ADH6: variants seen among roughly 807,000 people sequenced by gnomAD.
ADH6 encodes the protein alcohol dehydrogenase 6.
In ADH6, 34 loss-of-function variants were observed where a neutral mutation model predicts 36.5. The observed-to-expected ratio is 0.93, with a 90% confidence interval of 0.71 to 1.24. ADH6 has a LOEUF of 1.24. ADH6 is among the 50% of genes most tolerant of loss of function. The probability of loss-of-function intolerance (pLI) is 0.00; values close to 1 mark genes in which losing one functional copy is unlikely to be tolerated. For synonymous variants in ADH6, 161 were observed against 155.5 expected (o/e 1.04, Z -0.26); for missense variants, 440 against 447.0 (o/e 0.98, Z 0.14).
chr4:99,211,109 T>C (rs1731211568), intron 3 of ADH6, among the ~76,000 whole-genome samples: 1 of 152,178 alleles, frequency 6.6e-6, no homozygotes, highest in Admixed American at 6.5e-5. Flanking sequence ...TTTATACTTT[T>C]AGTTAAAAAC....
At chr4:99,213,329 CT>C (rs1560807925) in intron 3 of ADH6, among the ~76,000 whole-genome samples, 1 of 152,022 alleles carries the variant, frequency 6.6e-6, no homozygotes, top group South Asian at 2.1e-4. Context: ...CTCAGTCAAC[CT>C]TTTTTTCATA....
intron 1 of ADH6, among the ~76,000 whole-genome samples, chr4:99,218,612 G>A (rs1731532419): frequency 6.6e-6 from 1 of 152,002 alleles, no homozygotes; most frequent in African/African-American, 2.4e-5. Flanking sequence ...TTACCTTTCA[G>A]CCCCCAAACA....
chr4:99,217,074 T>C (rs560960682), intron 1 of ADH6, among the ~76,000 whole-genome samples: 25 of 152,258 alleles, frequency 1.6e-4, no homozygotes, highest in South Asian at 6.2e-4. Flanking sequence ...CTCACTCTGT[T>C]GCCCAGGCTG....
chr4:99,217,565 C>T (rs1040544877), intron 1 of ADH6, among the ~76,000 whole-genome samples: 1 of 152,148 alleles, frequency 6.6e-6, no homozygotes, highest in Admixed American at 6.5e-5. Flanking sequence ...TTTTTTACGG[C>T]TGAATAGTAC....
intron 7 of ADH6, 142 bp downstream of exon 7, chr4:99,207,304 A>C: frequency 9.7e-7 from 1 of 1,036,248 alleles, no homozygotes; most frequent in African/African-American, 1.6e-5. Context: ...ATCCCTTTAT[A>C]TTGGGTATTC....
chr4:99,208,720 G>A lies in ADH6; in HGVS notation c.776C>T (p.Thr259Ile), dbSNP rs1166808480. The change falls in exon 6 of 9, where the codon ACA becomes ATA. Residue 259 changes from threonine (T) to isoleucine (I), a missense_variant. Coordinates refer to ENST00000394899, the MANE Select transcript of ADH6 (RefSeq NM_001102470.2). ...KPIQEVLFDM[T>I]DAGIDFCFEA... ...AAAGCAGAAGTCTATACCAGCATCT[G>A]TCATATCAAATAAAACTTCTTGAAT... 6.2e-7 allele frequency: 1 copy of A among 1,613,808 alleles called. No homozygotes were observed. The highest frequency in any genetic ancestry group is 1.7e-5 in the Admixed American group (1 of 59,988).
At chr4:99,209,746 G>A (rs562479117) in intron 5 of ADH6, among the ~76,000 whole-genome samples, 4 of 152,206 alleles carry the variant, frequency 2.6e-5, no homozygotes, top group South Asian at 4.1e-4. Flanking sequence ...GAATGGCTCC[G>A]AAAATATTTG....
In ADH6 at chr4:99,203,730, G is replaced by A. The variant is rs1730929540; in HGVS notation, c.*489C>T. ...TGGCAATCCAGGAGAGGAGAGATTT[G>A]TGCCAAGGAGATAGGATAAGTGAGC... is the stretch of plus-strand genomic sequence containing the variant. On this transcript the variant is annotated 3_prime_UTR_variant, in exon 9 of 9. Coordinates refer to ENST00000394899, the MANE Select transcript of ADH6 (RefSeq NM_001102470.2). 6.6e-6 allele frequency: 1 copy of A among 152,512 alleles called. No homozygotes were observed. Among genetic ancestry groups the A allele is most frequent in the Admixed American group, 6.5e-5 (1 of 15,286 alleles). 9.4% of individuals were successfully genotyped at this position (152,512 alleles called of 1,614,324 possible). A position where few individuals can be genotyped will look rare whatever the true frequency, so the allele number is the denominator to read the frequency against.
chr4:99,216,085 A>G (rs1731405340), intron 2 of ADH6, 76 bp downstream of exon 2: 1 of 702,096 alleles, frequency 1.4e-6, no homozygotes, highest in Admixed American at 3.0e-5. Flanking sequence ...ATATCCGGAT[A>G]AGAATATGTA....
intron 1 of ADH6, among the ~76,000 whole-genome samples, chr4:99,218,640 C>T (rs1183500683): frequency 2.6e-5 from 4 of 152,144 alleles, no homozygotes; most frequent in African/African-American, 7.2e-5. Context: ...AAGCTTCTTG[C>T]ATGGGATATT....
intron 8 of ADH6, 25 bp downstream of exon 8, chr4:99,204,900 C>T (rs758698274): frequency 1.0e-5 from 16 of 1,593,026 alleles, no homozygotes; most frequent in African/African-American, 8.1e-5. Context: ...AACACACAGA[C>T]ATAAAATTTA....
rs2110538406 is a variant in ADH6, at chr4:99,202,916, C to T, written c.*1303G>A. On this transcript the variant is annotated 3_prime_UTR_variant, in exon 9 of 9. Transcript: ENST00000394899. ...GAATAGGTTTCATAGCACCCATCTC[C>T]TCTATTTGAAGGAAGCAGGCCCCTA... 2 of 396,158 alleles carry T rather than the reference C, an allele frequency of 5.0e-6. No individual in the cohort carries two copies. Among genetic ancestry groups the T allele is most frequent in the East Asian group, 7.1e-5 (2 of 28,022 alleles). The allele number at this position is 396,158 out of a possible 1,614,324, so 24.5% of individuals were successfully genotyped here.
intron 1 of ADH6, among the ~76,000 whole-genome samples, chr4:99,216,858 G>A (rs966391419): frequency 1.3e-5 from 2 of 150,466 alleles, no homozygotes; most frequent in African/African-American, 2.5e-5. Flanking sequence ...AAAAAAAATT[G>A]TGCCTATTTA....
chr4:99,204,885 T>C (rs1730962509), intron 8 of ADH6, 40 bp downstream of exon 8: 1 of 1,572,792 alleles, frequency 6.4e-7, no homozygotes, highest in Admixed American at 1.8e-5. Flanking sequence ...TTTCTCTTGG[T>C]CTCAAACACA....
At chr4:99,219,000 G>T in intron 1 of ADH6, 135 bp downstream of exon 1, 1 of 796,242 alleles carries the variant, frequency 1.3e-6, no homozygotes, top group Non-Finnish European at 2.1e-6. Context: ...AGAGGAGGAG[G>T]AGAGATACTA....
chr4:99,208,634 G>A lies in ADH6; in HGVS notation c.828+34C>T, dbSNP rs907782671. On this transcript the variant is annotated intron_variant, in intron 6 of 8. Transcript: ENST00000394899. Reference sequence around the variant, plus strand: ...ATAATCTAAACGATGACTGGTAAAAGTATTGGTAATTTTCACTCCAGAGGA... The same window carrying A: ...ATAATCTAAACGATGACTGGTAAAAATATTGGTAATTTTCACTCCAGAGGA... The A allele has an allele frequency of 2.5e-6, 4 of 1,581,834 alleles. No individual in the cohort carries two copies. In the Admixed American group the frequency reaches 7.2e-5, roughly 28 times the overall value.
rs1731126740 is a variant in ADH6, at chr4:99,208,822, A to G, written c.674T>C (p.Val225Ala). Reference protein sequence around the residue: ...AGAARIIGVDVNKEKFKKAQE... With the variant: ...AGAARIIGVDANKEKFKKAQE... ...TGCCTTCTTAAATTTCTCCTTGTTG[A>G]CATCCACTCCAATGATCCTGGCTGC... The change falls in exon 6 of 9, where the codon GTC becomes GCC. Residue 225 changes from valine to alanine, a missense_variant. Transcript: ENST00000394899. The G allele has an allele frequency of 6.2e-7, 1 of 1,613,784 alleles. No homozygotes were observed. Among genetic ancestry groups the G allele is most frequent in the Middle Eastern group, 1.6e-4 (1 of 6,062 alleles).
intron 1 of ADH6, among the ~76,000 whole-genome samples, chr4:99,218,407 C>T (rs1452285579): frequency 6.6e-6 from 1 of 152,190 alleles, no homozygotes; most frequent in Non-Finnish European, 1.5e-5. Context: ...AAGCTTTCTG[C>T]TTTATCTCTT....
Position 99,204,166 on chromosome 4 carries a change from A to T in ADH6, c.*53T>A. On this transcript the variant is annotated 3_prime_UTR_variant, in exon 9 of 9. Coordinates refer to ENST00000394899, the MANE Select transcript of ADH6 (RefSeq NM_001102470.2). ...TTCTAAATCATGAAAATTACATCAA[A>T]TGCCATTGAGTTGGTGAAATATCCT... The T allele has an allele frequency of 1.3e-6, 2 of 1,553,792 alleles. No individual in the cohort carries two copies. Among genetic ancestry groups the T allele is most frequent in the Non-Finnish European group, 1.7e-6 (2 of 1,147,736 alleles).
Sources: gnomAD v4.1 joint callset for allele counts (sites outside exome capture counted in the v4.1 genomes callset) on GRCh38, gnomAD v4.1.1 for gene constraint, MANE v1.5 for transcripts, NCBI Gene and HGNC (gene_info 2026-07-23, HGNC 2026-07-21) for gene names.